Variants in ABLIM2 observed in about 807,000 individuals in gnomAD.
The protein encoded by ABLIM2 is actin binding LIM protein family member 2, also known as actin-binding LIM protein 2.
In ABLIM2, 53 loss-of-function variants were observed where a neutral mutation model predicts 97.7. That is an observed-to-expected ratio of 0.54 (90% CI 0.44 to 0.68). The LOEUF is 0.68. ABLIM2 is among the 30% of genes least tolerant of loss of function. The probability of loss-of-function intolerance (pLI) is 0.00; values close to 1 mark genes in which losing one functional copy is unlikely to be tolerated. For synonymous variants in ABLIM2, 361 were observed against 345.8 expected (o/e 1.04, Z -0.49); for missense variants, 835 against 867.2 (o/e 0.96, Z 0.47).
At chr4:8,009,028 C>A (rs1560577056) in intron 15 of ABLIM2, 22 bp downstream of exon 15, 1 of 1,613,900 alleles carries the variant, frequency 6.2e-7, no homozygotes, top group Non-Finnish European at 8.5e-7. Context: ...TGTTCTCAGC[C>A]AGATCTGCTC....
At chr4:8,006,842 T>C (rs1761701070) in intron 16 of ABLIM2, among the ~76,000 whole-genome samples, 1 of 151,428 alleles carries the variant, frequency 6.6e-6, no homozygotes, top group Non-Finnish European at 1.5e-5. Flanking sequence ...GGCTGCCATC[T>C]GGGGTGAACC....
At chr4:8,077,342 C>T (rs1462208558) in intron 6 of ABLIM2, among the ~76,000 whole-genome samples, 1 of 152,192 alleles carries the variant, frequency 6.6e-6, no homozygotes. Context: ...CCAATCTAGA[C>T]AGCAAACGGC....
At chr4:8,098,939 C>T (rs1393230662) in intron 2 of ABLIM2, among the ~76,000 whole-genome samples, 1 of 152,202 alleles carries the variant, frequency 6.6e-6, no homozygotes, top group Non-Finnish European at 1.5e-5. Context: ...AGAACGAAAT[C>T]CCATCTAGAT....
chr4:7,988,778 G>A (rs1041084080), intron 17 of ABLIM2, among the ~76,000 whole-genome samples: 2 of 152,162 alleles, frequency 1.3e-5, no homozygotes, highest in African/African-American at 4.8e-5. Flanking sequence ...AGAAAAGAGA[G>A]ACTCAGAAAA....
Position 7,984,875 on chromosome 4 carries a change from A to G in ABLIM2, c.1699T>C (p.Cys567Arg). The change falls in exon 18 of 21, where the codon TGT (cysteine) becomes CGT (arginine). Residue 567 changes from cysteine (C) to arginine (R), a missense_variant. Physicochemically the swap from Cys to Arg is radical, Grantham distance 180. Coordinates refer to ENST00000447017, the MANE Select transcript of ABLIM2 (RefSeq NM_001130083.2). ...LDQRNANLAP[C>R]GADPDASWGM... ...CAGCTGGCATCCGGGTCTGCTCCAC[A>G]GGGGGCCAGATTGGCATTCTGGAAG... 1 of 1,608,746 alleles carries G rather than the reference A, an allele frequency of 6.2e-7. No homozygotes were observed. The highest frequency in any genetic ancestry group is 1.1e-5 in the South Asian group (1 of 89,490).
chr4:8,064,227 T>C, intron 6 of ABLIM2, among the ~76,000 whole-genome samples: 1 of 152,248 alleles, frequency 6.6e-6, no homozygotes, highest in East Asian at 1.9e-4. Context: ...TCATTCTTCT[T>C]TGTGGCACCG....
In ABLIM2 at chr4:8,085,791, C is replaced by T. The variant is rs546323036; in HGVS notation, c.454+2378G>A. ...TTGTACTCATCTGTAGCATCCTCCC[C>T]CTTCCAGACCCACCTGCTGGAATTC... On this transcript the variant is annotated intron_variant, in intron 4 of 20. Transcript: ENST00000447017. This position sits in a 1 kb window ranked among gnomAD's most constrained non-coding sequence, Gnocchi z 6.1. Among the ~76,000 whole-genome samples, 3 of 152,254 alleles carry T rather than the reference C, an allele frequency of 2.0e-5. No homozygotes were observed. The highest frequency in any genetic ancestry group is 4.4e-5 in the Non-Finnish European group (3 of 68,036).
At position 8,067,165 on chromosome 4, in the gene ABLIM2, T is replaced by C. The variant is rs956663231; in HGVS notation, c.676-6111A>G. 1 of 152,188 alleles carries C rather than the reference T, an allele frequency of 6.6e-6. No individual in the cohort carries two copies. The highest frequency in any genetic ancestry group is 2.4e-5 in the African/African-American group (1 of 41,432). 9.4% of individuals were successfully genotyped at this position (152,188 alleles called of 1,614,324 possible). A position where few individuals can be genotyped will look rare whatever the true frequency, so the allele number is the denominator to read the frequency against. ...AGAAGGCAGGCTGGATGCTACCTCC[T>C]GGGAAGACTCCATGGGCCATGGGGA... On this transcript the variant is annotated intron_variant, in intron 6 of 20. Coordinates refer to ENST00000447017, the MANE Select transcript of ABLIM2 (RefSeq NM_001130083.2). This position sits in a 1 kb window ranked among gnomAD's most constrained non-coding sequence, Gnocchi z 5.4.
intron 3 of ABLIM2, among the ~76,000 whole-genome samples, chr4:8,092,966 G>A (rs1177608924): frequency 2.6e-5 from 4 of 151,868 alleles, no homozygotes; most frequent in Admixed American, 6.6e-5. Context: ...CTCCTGCCTC[G>A]GCCTTCCAAG....
intron 18 of ABLIM2, among the ~76,000 whole-genome samples, chr4:7,984,279 G>C (rs1741498979): frequency 6.6e-6 from 1 of 152,118 alleles, no homozygotes; most frequent in African/African-American, 2.4e-5. Context: ...GCAGGCTGTG[G>C]TGCACTGATG....
intron 17 of ABLIM2, among the ~76,000 whole-genome samples, chr4:7,987,550 C>T (rs757636735): frequency 6.6e-6 from 1 of 152,234 alleles, no homozygotes; most frequent in Non-Finnish European, 1.5e-5. Context: ...CCTGGCATGT[C>T]TGATGTGAAA....
Position 8,019,966 on chromosome 4 carries a change from G to A in ABLIM2, c.1369+236C>T, listed in dbSNP as rs1772351047. On this transcript the variant is annotated intron_variant, in intron 13 of 20. Transcript: ENST00000447017. The surrounding 1 kb of genome is among the most constrained non-coding windows in gnomAD (Gnocchi z 4.3). ...CTTCACCCCATTCCCAGGAGGACAG[G>A]TGTATCTCCCTGCCGTTTGTGGGAA... 6.6e-6 allele frequency among the ~76,000 whole-genome samples: 1 copy of A among 152,180 alleles called. No individual in the cohort carries two copies. Among genetic ancestry groups the A allele is most frequent in the Non-Finnish European group, 1.5e-5 (1 of 68,028 alleles).
chr4:8,032,988 C>T lies in ABLIM2; in HGVS notation c.1047+3161G>A, dbSNP rs1781924414. 1.3e-5 allele frequency among the ~76,000 whole-genome samples: 2 copies of T among 152,206 alleles called. No homozygotes were observed. The highest frequency in any genetic ancestry group is 2.9e-5 in the Non-Finnish European group (2 of 68,030). ...CTGTTCTCCCACAAAGATGTGTTTTCCCAAAAGGAAGACACTGGCTCAGGG... is the reference window on the plus strand; with the variant it reads ...CTGTTCTCCCACAAAGATGTGTTTTTCCAAAAGGAAGACACTGGCTCAGGG... On this transcript the variant is annotated intron_variant, in intron 10 of 20. Transcript: ENST00000447017. This position sits in a 1 kb window ranked among gnomAD's most constrained non-coding sequence, Gnocchi z 4.3.
chr4:8,029,713 C>T lies in ABLIM2; in HGVS notation c.1111G>A (p.Val371Ile). 1 of 1,553,192 alleles carries T rather than the reference C, an allele frequency of 6.4e-7. No individual in the cohort carries two copies. Among genetic ancestry groups the T allele is most frequent in the Non-Finnish European group, 8.7e-7 (1 of 1,148,396 alleles). Residue 371 changes from valine to isoleucine, a missense_variant, in exon 11 of 21, where the codon GTT becomes ATT. Val to Ile is a conservative substitution (Grantham distance 29, BLOSUM62 3). Transcript: ENST00000447017. ...GTCGGAGTGTAGCGCCCGAGGCTAA[C>T]CGACCCAGTGGAGCTTGGGCTGGAG... is the stretch of plus-strand genomic sequence containing the variant. ...RTSSPSSTGS[V>I]SLGRYTPTSR...
intron 17 of ABLIM2, among the ~76,000 whole-genome samples, chr4:7,988,341 T>A (rs1435104142): frequency 6.6e-6 from 1 of 152,288 alleles, no homozygotes; most frequent in East Asian, 1.9e-4. Flanking sequence ...ACTTCTTACG[T>A]GCCTGTGGCT....
rs1023118618 is a variant in ABLIM2 at position 8,125,800 on chromosome 4, T to G, written c.11-19163A>C. Among the ~76,000 whole-genome samples the G allele has an allele frequency of 1.3e-5, 2 of 152,298 alleles. No homozygotes were observed. The highest frequency in any genetic ancestry group is 2.4e-5 in the African/African-American group (1 of 41,568). ...CGTCACCTGCTGTCTGCTCTGGGCATCCACGGCTGTCCTCAGAATGCTCCA... is the reference window on the plus strand; with the variant it reads ...CGTCACCTGCTGTCTGCTCTGGGCAGCCACGGCTGTCCTCAGAATGCTCCA... On this transcript the variant is annotated intron_variant, in intron 1 of 20. Transcript: ENST00000447017. This position sits in a 1 kb window ranked among gnomAD's most constrained non-coding sequence, Gnocchi z 6.2.
chr4:8,027,849 C>T lies in ABLIM2; in HGVS notation c.1177G>A (p.Val393Met). The T allele has an allele frequency of 3.1e-6, 5 of 1,592,256 alleles. No homozygotes were observed. The highest frequency in any genetic ancestry group is 1.8e-5 in the Admixed American group (1 of 56,814). The part of the protein sequence containing the change: ...PQHYSRPAGT[V>M]SVGTSSCLSL... Reference sequence around the variant, plus strand: ...AGGCAGCTACTGGTACCCACACTCACAGTACCAGCTACGGGGTAACAGAGA... The same window carrying T: ...AGGCAGCTACTGGTACCCACACTCATAGTACCAGCTACGGGGTAACAGAGA... The change falls in exon 12 of 21, where the codon GTG becomes ATG. Residue 393 changes from valine (V) to methionine (M), a missense_variant. By Grantham distance (21) the Val-to-Met change is conservative. Transcript: ENST00000447017.
intron 1 of ABLIM2, among the ~76,000 whole-genome samples, chr4:8,139,943 T>C (rs1850716517): frequency 6.6e-6 from 1 of 152,136 alleles, no homozygotes; most frequent in Non-Finnish European, 1.5e-5. Flanking sequence ...AGAGATCGTG[T>C]CCTTTGCAAG....
intron 7 of ABLIM2, among the ~76,000 whole-genome samples, chr4:8,057,721 C>A (rs574705994): frequency 6.6e-6 from 1 of 152,208 alleles, no homozygotes; most frequent in African/African-American, 2.4e-5. Flanking sequence ...GGAAAGTCCG[C>A]GGCAGGAACG....
Sources: allele counts gnomAD v4.1 joint callset (sites outside exome capture counted in the v4.1 genomes callset), GRCh38; gene constraint gnomAD v4.1.1; non-coding constraint Gnocchi (gnomAD v3.1); transcripts MANE v1.5; gene names NCBI Gene and HGNC (gene_info 2026-07-23, HGNC 2026-07-21).